Variants in DZIP1 observed in about 807,000 individuals in gnomAD.
DZIP1 encodes DAZ interacting zinc finger protein 1, also known as cilium assembly protein DZIP1.
In DZIP1, 97 loss-of-function variants were observed where a neutral mutation model predicts 107.6. The observed-to-expected ratio is 0.90, with a 90% confidence interval of 0.77 to 1.07. The LOEUF is 1.07. Ranked by LOEUF, DZIP1 falls within the 50% of genes least tolerant of loss-of-function variation. The pLI is 0.00. For synonymous variants in DZIP1, 390 were observed against 386.4 expected (o/e 1.01, Z -0.11); for missense variants, 1,035 against 1,063.6 (o/e 0.97, Z 0.37).
At chr13:95,588,387 A>G (rs1476288022) in intron 19 of DZIP1, among the ~76,000 whole-genome samples, 4 of 152,238 alleles carry the variant, frequency 2.6e-5, no homozygotes, top group Non-Finnish European at 4.4e-5. Context: ...CAGTGCCTCA[A>G]TGAAAAGATA....
intron 11 of DZIP1, 68 bp from the exon 12 acceptor site, chr13:95,611,561 G>A: frequency 1.6e-6 from 2 of 1,227,552 alleles, no homozygotes; most frequent in Non-Finnish European, 2.4e-6. Flanking sequence ...TGGGATAATG[G>A]ACAGATAATG....
At chr13:95,603,011 T>G (rs2044663976) in intron 14 of DZIP1, among the ~76,000 whole-genome samples, 1 of 152,100 alleles carries the variant, frequency 6.6e-6, no homozygotes, top group Non-Finnish European at 1.5e-5. Flanking sequence ...ATAATAATAA[T>G]TGTAAAGTCT....
At chr13:95,596,428 AT>A (rs2044459775) in intron 15 of DZIP1, among the ~76,000 whole-genome samples, 1 of 152,170 alleles carries the variant, frequency 6.6e-6, no homozygotes, top group Non-Finnish European at 1.5e-5. Context: ...AAATCCTTGA[AT>A]TTCTGAGTTG....
intron 22 of DZIP1, among the ~76,000 whole-genome samples, chr13:95,583,398 G>A (rs1196943010): frequency 6.6e-6 from 1 of 152,104 alleles, no homozygotes; most frequent in African/African-American, 2.4e-5. Context: ...AATATCTAAA[G>A]TCAATGAATC....
chr13:95,587,078 G>A (rs1311259751), intron 20 of DZIP1, among the ~76,000 whole-genome samples: 1 of 152,182 alleles, frequency 6.6e-6, no homozygotes, highest in Non-Finnish European at 1.5e-5. Flanking sequence ...TCATTAGGGT[G>A]GGCCCTAATC....
At chr13:95,622,829 A>G (rs1876060675) in intron 8 of DZIP1, among the ~76,000 whole-genome samples, 1 of 151,412 alleles carries the variant, frequency 6.6e-6, no homozygotes. Context: ...TGCAGCCTCA[A>G]CCCCCTGGGT....
At chr13:95,617,104 A>C (rs1875193885) in intron 10 of DZIP1, among the ~76,000 whole-genome samples, 1 of 152,112 alleles carries the variant, frequency 6.6e-6, no homozygotes. Context: ...CGGGAGGCTA[A>C]GGCAGGAGAA....
intron 12 of DZIP1, among the ~76,000 whole-genome samples, chr13:95,610,311 TG>T (rs2044955318): frequency 7.3e-6 from 1 of 136,586 alleles, no homozygotes; most frequent in African/African-American, 2.5e-5. Context: ...AAGAGTTTTT[TG>T]GTTTTTTTTT....
chr13:95,590,508 C>CA, intron 16 of DZIP1, 67 bp from the exon 17 acceptor site: 1 of 1,466,896 alleles, frequency 6.8e-7, no homozygotes, highest in South Asian at 1.3e-5. Flanking sequence ...CATATATCAG[C>CA]ATTAACTGTG....
At chr13:95,606,948 A>AT (rs1460359056) in intron 13 of DZIP1, among the ~76,000 whole-genome samples, 2 of 152,232 alleles carry the variant, frequency 1.3e-5, no homozygotes, top group African/African-American at 4.8e-5. Context: ...ACTAAACAGT[A>AT]TGGTCTATTA....
At chr13:95,627,877 A>G (rs1467102403) in intron 7 of DZIP1, among the ~76,000 whole-genome samples, 1 of 152,228 alleles carries the variant, frequency 6.6e-6, no homozygotes, top group Non-Finnish European at 1.5e-5. Flanking sequence ...AAAGGTGAAA[A>G]TGAATCAAAT....
intron 15 of DZIP1, among the ~76,000 whole-genome samples, chr13:95,598,822 A>G (rs1311411818): frequency 6.6e-6 from 1 of 152,200 alleles, no homozygotes; most frequent in African/African-American, 2.4e-5. Flanking sequence ...AAATGAAATG[A>G]GTAAGCAGTA....
chr13:95,607,992 T>TAG (rs1236370959), intron 13 of DZIP1, among the ~76,000 whole-genome samples: 2 of 152,258 alleles, frequency 1.3e-5, no homozygotes, highest in African/African-American at 4.8e-5. Context: ...CCTTGTGATT[T>TAG]ACTTTCTGAT....
chr13:95,630,717 C>A (rs1877093115), intron 6 of DZIP1: 1 of 1,254,908 alleles, frequency 8.0e-7, no homozygotes, highest in Admixed American at 2.9e-5. Context: ...TACTTACATG[C>A]AGATGTACAC....
At chr13:95,622,535 CAG>C (rs769603672) in intron 8 of DZIP1, 55 bp from the exon 9 acceptor site, 2 of 1,602,998 alleles carry the variant, frequency 1.2e-6, no homozygotes, top group Admixed American at 3.3e-5. Flanking sequence ...AAGATGGAAA[CAG>C]AGAATAAAAT....
At chr13:95,593,594 T>C (rs1371885890) in intron 16 of DZIP1, among the ~76,000 whole-genome samples, 1 of 152,222 alleles carries the variant, frequency 6.6e-6, no homozygotes, top group Non-Finnish European at 1.5e-5. Flanking sequence ...AATATCAGAA[T>C]GTAAGCAGCA....
chr13:95,636,001 G>A (rs939419610), intron 5 of DZIP1, among the ~76,000 whole-genome samples: 2 of 150,706 alleles, frequency 1.3e-5, no homozygotes, highest in Non-Finnish European at 3.0e-5. Flanking sequence ...AGGGAGGGAG[G>A]GAGGGAGGAA....
At chr13:95,629,669 A>G in intron 7 of DZIP1, among the ~76,000 whole-genome samples, 1 of 152,194 alleles carries the variant, frequency 6.6e-6, no homozygotes, top group East Asian at 1.9e-4. Flanking sequence ...ACCAAGGCAC[A>G]TGGTCCTCCT....
chr13:95,634,973 T>A (rs1472614979), intron 5 of DZIP1, among the ~76,000 whole-genome samples: 1 of 152,196 alleles, frequency 6.6e-6, no homozygotes, highest in East Asian at 1.9e-4. Flanking sequence ...AACACTCTTT[T>A]AGTCTATAGG....
Sources: gnomAD v4.1 joint callset for allele counts (sites outside exome capture counted in the v4.1 genomes callset) on GRCh38, gnomAD v4.1.1 for gene constraint, MANE v1.5 for transcripts, NCBI Gene and HGNC (gene_info 2026-07-23, HGNC 2026-07-21) for gene names.